The following ANKS1B variants were observed in gnomAD, a reference collection of about 807,000 sequenced individuals.
The protein encoded by ANKS1B is ankyrin repeat and sterile alpha motif domain-containing protein 1B.
In ANKS1B, 36 loss-of-function variants were observed where a neutral mutation model predicts 148.3. That is an observed-to-expected ratio of 0.24 (90% confidence interval 0.19 to 0.32). The LOEUF (loss-of-function observed/expected upper bound fraction) is 0.32. Among genes scored for constraint, ANKS1B ranks in the 10% least tolerant of loss-of-function variants. The pLI is 1.00. For missense variants in ANKS1B, 1,157 were observed against 1,542.6 expected (o/e 0.75, Z 4.19); for synonymous variants, 542 against 560.8 (o/e 0.97, Z 0.47).
intron 4 of ANKS1B, among the ~76,000 whole-genome samples, chr12:99,786,515 T>C (rs1198512327): frequency 6.6e-6 from 1 of 152,018 alleles, no homozygotes; most frequent in Non-Finnish European, 1.5e-5. Flanking sequence ...CAACAACACA[T>C]TGCACAGAAG....
chr12:99,185,842 CAGG>C lies in ANKS1B; in HGVS notation c.2420-31450_2420-31448del, dbSNP rs2079768677. Among the ~76,000 whole-genome samples, 4 of 152,338 alleles carry C rather than the reference CAGG, an allele frequency of 2.6e-5. No individual in the cohort carries two copies. The South Asian group carries it at 8.3e-4, about 32-fold the overall frequency. On this transcript the variant is annotated intron_variant, in intron 14 of 26. Transcript: ENST00000683438. ...ATTTGGGCAGACACCGAGTTAGCTGCAGGAGTTTTCTTTCATACCCCAGTGGCC... is the reference window on the plus strand; with the variant it reads ...ATTTGGGCAGACACCGAGTTAGCTGCAGTTTTCTTTCATACCCCAGTGGCC...
At chr12:99,941,807 A>C (rs2094926760) in intron 1 of ANKS1B, among the ~76,000 whole-genome samples, 1 of 152,176 alleles carries the variant, frequency 6.6e-6, no homozygotes, top group Non-Finnish European at 1.5e-5. Flanking sequence ...CAATAAATGA[A>C]GAAAGGGAGA....
intron 12 of ANKS1B, among the ~76,000 whole-genome samples, chr12:99,391,100 T>C (rs989874166): frequency 6.6e-6 from 1 of 151,998 alleles, no homozygotes; most frequent in East Asian, 1.9e-4. Context: ...ATTCATTCGT[T>C]AGGAGTTTGA....
At chr12:99,463,430 C>T (rs953871226) in intron 10 of ANKS1B, among the ~76,000 whole-genome samples, 11 of 152,138 alleles carry the variant, frequency 7.2e-5, no homozygotes, top group Admixed American at 6.5e-4. Context: ...GAGTGCCAGA[C>T]AGTGGGTGCA....
chr12:99,972,560 G>A (rs562499967), intron 1 of ANKS1B, among the ~76,000 whole-genome samples: 1 of 152,300 alleles, frequency 6.6e-6, no homozygotes, highest in Non-Finnish European at 1.5e-5. Context: ...TGATGGAGCT[G>A]GGGAAGCTGC....
At chr12:98,923,961 G>T (rs1180580607) in intron 17 of ANKS1B, among the ~76,000 whole-genome samples, 1 of 152,184 alleles carries the variant, frequency 6.6e-6, no homozygotes, top group Non-Finnish European at 1.5e-5. Flanking sequence ...ATTAAAAATA[G>T]GTTTATGTTT....
At chr12:99,436,784 T>C (rs533067446) in intron 11 of ANKS1B, among the ~76,000 whole-genome samples, 159 of 152,174 alleles carry the variant, frequency 1.0e-3, no homozygotes, top group African/African-American at 3.7e-3. Context: ...GATCTAAACA[T>C]GGTCCATTAT....
intron 19 of ANKS1B, among the ~76,000 whole-genome samples, chr12:98,826,474 A>T (rs927065090): frequency 6.6e-6 from 1 of 152,172 alleles, no homozygotes; most frequent in African/African-American, 2.4e-5. Flanking sequence ...GACCTCAAGA[A>T]GGCAAAACTC....
chr12:98,800,690 A>ATATATATATG, intron 21 of ANKS1B, among the ~76,000 whole-genome samples: 1 of 137,908 alleles, frequency 7.3e-6, no homozygotes, highest in African/African-American at 2.6e-5. Flanking sequence ...ATATATATAT[A>ATATATATATG]TGCCATATTT....
intron 16 of ANKS1B, among the ~76,000 whole-genome samples, chr12:99,080,545 C>T (rs1209868846): frequency 6.6e-6 from 1 of 152,176 alleles, no homozygotes; most frequent in Non-Finnish European, 1.5e-5. Flanking sequence ...ATACTGTCAA[C>T]TCAGGTTGAG....
chr12:99,002,479 T>C (rs2099933582), intron 17 of ANKS1B, among the ~76,000 whole-genome samples: 1 of 137,454 alleles, frequency 7.3e-6, no homozygotes, highest in Non-Finnish European at 1.6e-5. Flanking sequence ...ACACTTCATG[T>C]ACTTATCTCT....
intron 17 of ANKS1B, among the ~76,000 whole-genome samples, chr12:99,033,805 T>C (rs1011675320): frequency 1.3e-5 from 2 of 152,248 alleles, no homozygotes; most frequent in African/African-American, 4.8e-5. Context: ...TTACACCCTT[T>C]ACAAGGTCAG....
intron 8 of ANKS1B, among the ~76,000 whole-genome samples, chr12:99,753,741 G>T (rs947117747): frequency 6.6e-6 from 1 of 152,010 alleles, no homozygotes; most frequent in Non-Finnish European, 1.5e-5. Context: ...CACAAAGTAG[G>T]GTGGGCACGG....
chr12:98,813,719 TA>T (rs2099116537), intron 19 of ANKS1B, among the ~76,000 whole-genome samples: 1 of 151,270 alleles, frequency 6.6e-6, no homozygotes, highest in African/African-American at 2.4e-5. Flanking sequence ...CTCACCCAGT[TA>T]ATTTTTGTTA....
At chr12:99,380,306 C>A (rs1003360426) in intron 12 of ANKS1B, among the ~76,000 whole-genome samples, 1 of 152,204 alleles carries the variant, frequency 6.6e-6, no homozygotes, top group South Asian at 2.1e-4. Flanking sequence ...ATAGAAATTA[C>A]AAACGGTGCT....
chr12:99,237,853 G>T (rs2088315781), intron 14 of ANKS1B, among the ~76,000 whole-genome samples: 1 of 152,206 alleles, frequency 6.6e-6, no homozygotes, highest in Non-Finnish European at 1.5e-5. Context: ...CTAGGCTCTA[G>T]CAATCCTTTG....
chr12:99,751,628 C>A (rs1345680786), intron 8 of ANKS1B, among the ~76,000 whole-genome samples: 1 of 152,022 alleles, frequency 6.6e-6, no homozygotes, highest in African/African-American at 2.4e-5. Flanking sequence ...TCAAAAATTG[C>A]ATATTGGTAT....
At position 98,763,602 on chromosome 12, in the gene ANKS1B, T is replaced by C. The variant is rs545297956; in HGVS notation, c.3579+9440A>G. ...ATAAAATTCAGCTGTGAAATTCCACTGTTGGGATATGGCTACTGCTAACAT... is the reference window on the plus strand; with the variant it reads ...ATAAAATTCAGCTGTGAAATTCCACCGTTGGGATATGGCTACTGCTAACAT... On this transcript the variant is annotated intron_variant, in intron 25 of 26. Coordinates refer to ENST00000683438, the MANE Select transcript of ANKS1B (RefSeq NM_001352186.2). Among the ~76,000 whole-genome samples the C allele has an allele frequency of 2.0e-5, 3 of 152,352 alleles. No individual in the cohort carries two copies. In the South Asian group the frequency reaches 6.2e-4, roughly 32 times the overall value.
chr12:99,033,273 A>G lies in ANKS1B; in HGVS notation c.2778+19884T>C, dbSNP rs563086941. 2.6e-5 allele frequency among the ~76,000 whole-genome samples: 4 copies of G among 152,366 alleles called. No homozygotes were observed. The South Asian group carries it at 6.2e-4, about 24-fold the overall frequency. ...CTCTTATTAGCAGTTGCCTTATTCA[A>G]CACCATTTATTTATTCAATCAAGTA... On this transcript the variant is annotated intron_variant, in intron 17 of 26. Coordinates refer to ENST00000683438, the MANE Select transcript of ANKS1B (RefSeq NM_001352186.2).
Sources: allele counts gnomAD v4.1 joint callset (sites outside exome capture counted in the v4.1 genomes callset), GRCh38; gene constraint gnomAD v4.1.1; transcripts MANE v1.5; gene names NCBI Gene and HGNC (gene_info 2026-07-23, HGNC 2026-07-21).